Variants in SCAPER observed in about 807,000 individuals in gnomAD.
SCAPER encodes S-phase cyclin A associated protein in the ER.
A neutral mutation model predicts 182.2 loss-of-function variants in SCAPER; 98 were observed. That is an observed-to-expected ratio of 0.54 (90% CI 0.46 to 0.64). SCAPER has a LOEUF of 0.64. SCAPER is among the 30% of genes least tolerant of loss of function. The probability of loss-of-function intolerance (pLI) is 0.00; values close to 1 mark genes in which losing one functional copy is unlikely to be tolerated. For synonymous variants in SCAPER, 605 were observed against 564.6 expected, an observed-to-expected ratio of 1.07 and a Z score of -1.01; for missense variants, 1,432 against 1,690.0, an observed-to-expected ratio of 0.85 and a Z score of 2.68.
rs1432310527 is a variant in SCAPER at position 76,598,917 on chromosome 15, T to C, written c.2711+22847A>G. The stretch of plus-strand genomic sequence containing the variant: ...GTAACCTGTATGTTCTGCACATTTA[T>C]CCCAGAAATTAAAGTATAATTAAAA... On this transcript the variant is annotated intron_variant, in intron 22 of 31. Transcript: ENST00000563290. Among the ~76,000 whole-genome samples, 2 of 116,428 alleles carry C rather than the reference T, an allele frequency of 1.7e-5. 1 individual carries two copies. The highest frequency in any genetic ancestry group is 5.2e-5 in the African/African-American group (2 of 38,456). The allele number at this position is 116,428 out of a possible 152,430, so 76.4% of individuals were successfully genotyped here.
At chr15:76,895,104 T>C (rs1010621468) in intron 1 of SCAPER, among the ~76,000 whole-genome samples, 10 of 152,184 alleles carry the variant, frequency 6.6e-5, no homozygotes, top group African/African-American at 2.2e-4. Flanking sequence ...CCCATATCCC[T>C]GATGAATATA....
Position 76,504,839 on chromosome 15 carries a change from G to C in SCAPER, c.2954+20C>G, listed in dbSNP as rs756120234. 3.9e-6 allele frequency: 6 copies of C among 1,553,908 alleles called. No homozygotes were observed. The South Asian group carries it at 7.2e-5, about 19-fold the overall frequency. The stretch of plus-strand genomic sequence containing the variant: ...ACTCACAAATGAAACGTAAAAAATA[G>C]ATTAAGAAACTATACTTACTTAGGA... On this transcript the variant is annotated intron_variant, in intron 24 of 31. Coordinates refer to ENST00000563290, the MANE Select transcript of SCAPER (RefSeq NM_020843.4).
intron 23 of SCAPER, among the ~76,000 whole-genome samples, chr15:76,518,771 T>C (rs747942783): frequency 2.0e-5 from 3 of 152,210 alleles, no homozygotes; most frequent in Non-Finnish European, 4.4e-5. Flanking sequence ...ATCTATACTT[T>C]GATCATGGAT....
chr15:76,891,810 C>T (rs948934288), intron 1 of SCAPER, among the ~76,000 whole-genome samples: 4 of 150,304 alleles, frequency 2.7e-5, no homozygotes, highest in African/African-American at 9.7e-5. Flanking sequence ...ATTGGAAATT[C>T]TTCACAGAAT....
intron 27 of SCAPER, among the ~76,000 whole-genome samples, chr15:76,386,644 G>A (rs1429177129): frequency 6.6e-6 from 1 of 152,200 alleles, no homozygotes; most frequent in South Asian, 2.1e-4. Flanking sequence ...TACAGAAAGT[G>A]AGGAAGAAAG....
At chr15:76,729,206 G>A (rs2060764089) in intron 16 of SCAPER, among the ~76,000 whole-genome samples, 1 of 151,408 alleles carries the variant, frequency 6.6e-6, no homozygotes. Flanking sequence ...TCTGTTGTGG[G>A]ACCTTGTGAT....
intron 17 of SCAPER, among the ~76,000 whole-genome samples, chr15:76,710,449 T>C (rs2059501621): frequency 7.9e-5 from 12 of 152,048 alleles, no homozygotes; most frequent in Admixed American, 7.9e-4. Context: ...AACAGAGTTG[T>C]AGAATGAAAT....
chr15:76,658,602 A>G lies in SCAPER; in HGVS notation c.2645+7051T>C, dbSNP rs987425164. Among the ~76,000 whole-genome samples the G allele has an allele frequency of 2.6e-5, 4 of 152,350 alleles. No homozygotes were observed. In the South Asian group the frequency reaches 8.3e-4, roughly 32 times the overall value. On this transcript the variant is annotated intron_variant, in intron 21 of 31. Coordinates refer to ENST00000563290, the MANE Select transcript of SCAPER (RefSeq NM_020843.4). Reference sequence around the variant, plus strand: ...GAACCAAAAAAGAGCCCCAGTAGCCAGAGCAATCCTACGTAAAAGAACAAA... The same window carrying G: ...GAACCAAAAAAGAGCCCCAGTAGCCGGAGCAATCCTACGTAAAAGAACAAA...
chr15:76,527,128 G>A (rs1176283463), intron 23 of SCAPER, among the ~76,000 whole-genome samples: 8 of 151,966 alleles, frequency 5.3e-5, no homozygotes, highest in East Asian at 3.9e-4. Flanking sequence ...CACCTGCCTC[G>A]GCCTCCCAAA....
At chr15:76,788,719 T>A (rs1258086037) in intron 8 of SCAPER, among the ~76,000 whole-genome samples, 1 of 152,264 alleles carries the variant, frequency 6.6e-6, no homozygotes, top group Non-Finnish European at 1.5e-5. Context: ...TACATCTGTT[T>A]TGTGAATTTT....
intron 5 of SCAPER, among the ~76,000 whole-genome samples, chr15:76,820,148 A>C (rs1373361025): frequency 2.6e-5 from 4 of 152,164 alleles, no homozygotes. Context: ...GTGGGACGGT[A>C]AACTAGTTCA....
At chr15:76,381,248 T>C in intron 28 of SCAPER, 130 bp downstream of exon 28, 1 of 527,650 alleles carries the variant, frequency 1.9e-6, no homozygotes, top group Non-Finnish European at 3.1e-6. Flanking sequence ...TAAATTATAA[T>C]ATATATTATA....
At chr15:76,827,834 C>G (rs746718887) in intron 5 of SCAPER, among the ~76,000 whole-genome samples, 1 of 152,102 alleles carries the variant, frequency 6.6e-6, no homozygotes, top group Non-Finnish European at 1.5e-5. Flanking sequence ...TGTCTAGAAA[C>G]TAGGCTAACA....
intron 24 of SCAPER, among the ~76,000 whole-genome samples, chr15:76,489,813 T>C (rs967202779): frequency 6.6e-6 from 1 of 152,180 alleles, no homozygotes; most frequent in East Asian, 1.9e-4. Context: ...CCCTCTCCCA[T>C]GCTCCTGGCA....
chr15:76,855,445 GCTT>G (rs2071242472), intron 4 of SCAPER, among the ~76,000 whole-genome samples: 1 of 112,550 alleles, frequency 8.9e-6, no homozygotes. Flanking sequence ...AAACTTAAGA[GCTT>G]CTGCACAGCA....
intron 17 of SCAPER, among the ~76,000 whole-genome samples, chr15:76,727,224 A>G (rs555760292): frequency 1.3e-5 from 2 of 152,206 alleles, no homozygotes; most frequent in South Asian, 4.1e-4. Flanking sequence ...ATGCAATTCC[A>G]ATCAAAATTT....
At chr15:76,673,275 C>T (rs186166968) in intron 20 of SCAPER, among the ~76,000 whole-genome samples, 14 of 152,074 alleles carry the variant, frequency 9.2e-5, no homozygotes, top group Admixed American at 7.9e-4. Flanking sequence ...CTGGTGAACA[C>T]TGCATACATA....
intron 24 of SCAPER, among the ~76,000 whole-genome samples, chr15:76,475,708 C>T (rs1478373535): frequency 6.6e-6 from 1 of 152,190 alleles, no homozygotes; most frequent in Non-Finnish European, 1.5e-5. Flanking sequence ...CAGAGTTGCT[C>T]TGGCTGAAGC....
chr15:76,754,083 G>C, intron 14 of SCAPER, 135 bp from the exon 15 acceptor site: 1 of 953,104 alleles, frequency 1.0e-6, no homozygotes, highest in Non-Finnish European at 1.5e-6. Flanking sequence ...AACAATTAAG[G>C]ACACAGACTA....
Sources: gnomAD v4.1 joint callset for allele counts (sites outside exome capture counted in the v4.1 genomes callset) on GRCh38, gnomAD v4.1.1 for gene constraint, MANE v1.5 for transcripts, NCBI Gene and HGNC (gene_info 2026-07-23, HGNC 2026-07-21) for gene names.